The following GARRE1 variants were observed in gnomAD, a reference collection of about 807,000 sequenced individuals.
GARRE1 encodes granule associated Rac and RHOG effector 1.
A neutral mutation model predicts 103.2 loss-of-function variants in GARRE1; 49 were observed. The observed-to-expected ratio is 0.47, with a 90% CI of 0.38 to 0.60. The LOEUF is 0.60. Among genes scored for constraint, GARRE1 ranks in the 20% least tolerant of loss-of-function variants. GARRE1 has a pLI of 0.00. For missense variants in GARRE1, 1,199 were observed against 1,370.5 expected, an observed-to-expected ratio of 0.87 and a Z score of 1.98; for synonymous variants, 505 against 532.8, an observed-to-expected ratio of 0.95 and a Z score of 0.72.
At chr19:34,289,855 A>G (rs1259809745) in intron 1 of GARRE1, among the ~76,000 whole-genome samples, 2 of 152,228 alleles carry the variant, frequency 1.3e-5, no homozygotes, top group African/African-American at 4.8e-5. Context: ...TTCTGAGACT[A>G]CATGTGGTCT....
chr19:34,320,134 G>A lies in GARRE1; in HGVS notation c.705+18G>A, dbSNP rs761173565. On this transcript the variant is annotated intron_variant, in intron 3 of 13. Transcript: ENST00000299505. ...CTGCTGAGGTAACCCTGGCTTTGGG[G>A]AGATTGGTGCCTGTGTTCAAATAGG... The A allele has an allele frequency of 3.7e-6, 6 of 1,607,998 alleles. No individual in the cohort carries two copies. The South Asian group carries it at 4.4e-5, about 12-fold the overall frequency.
intron 2 of GARRE1, among the ~76,000 whole-genome samples, chr19:34,315,710 CAAAA>C (rs35321775): frequency 1.1e-3 from 66 of 62,534 alleles, no homozygotes; most frequent in African/African-American, 4.4e-3. Context: ...GACTCTGTCT[CAAAA>C]AAAAAAAAAA....
intron 7 of GARRE1, among the ~76,000 whole-genome samples, chr19:34,331,909 T>G (rs1384444066): frequency 1.3e-5 from 2 of 151,764 alleles, no homozygotes; most frequent in Admixed American, 6.6e-5. Flanking sequence ...AAGAATCACT[T>G]GAACCCAGGA....
chr19:34,307,604 CACAT>C (rs907323377), intron 2 of GARRE1, among the ~76,000 whole-genome samples: 53 of 143,602 alleles, frequency 3.7e-4, no homozygotes, highest in African/African-American at 1.2e-3. Flanking sequence ...CATACGCACA[CACAT>C]ACATATATAT....
At chr19:34,299,289 A>G (rs576476097) in intron 1 of GARRE1, among the ~76,000 whole-genome samples, 57 of 152,222 alleles carry the variant, frequency 3.7e-4, no homozygotes, top group African/African-American at 1.3e-3. Context: ...CTGATGCCCC[A>G]TAAAGTTTAT....
chr19:34,265,667 G>C (rs952194049), intron 1 of GARRE1: 6 of 152,158 alleles, frequency 3.9e-5, no homozygotes, highest in African/African-American at 1.4e-4. Flanking sequence ...GATTTTGGGG[G>C]TTCGAGGGAG....
intron 2 of GARRE1, among the ~76,000 whole-genome samples, chr19:34,307,792 TA>T (rs148017219): frequency 0.13 from 13,882 of 108,992 alleles, 1,221 homozygotes; most frequent in South Asian, 0.24. Context: ...ATATATACTA[TA>T]AAAAAAAAAT....
intron 3 of GARRE1, among the ~76,000 whole-genome samples, chr19:34,324,283 TA>T (rs2074102093): frequency 6.6e-6 from 1 of 152,222 alleles, no homozygotes; most frequent in African/African-American, 2.4e-5. Context: ...TCATTCATTC[TA>T]AAAAATTACT....
At chr19:34,283,830 C>CTTTTTT (rs11335136) in intron 1 of GARRE1, among the ~76,000 whole-genome samples, 2 of 117,216 alleles carry the variant, frequency 1.7e-5, no homozygotes, top group East Asian at 2.3e-4. Context: ...TTCTTTCTTT[C>CTTTTTT]TTTTTTTTTT....
chr19:34,281,601 G>C (rs924637282), intron 1 of GARRE1, among the ~76,000 whole-genome samples: 1 of 151,944 alleles, frequency 6.6e-6, no homozygotes, highest in Non-Finnish European at 1.5e-5. Flanking sequence ...TTTTGTTTGT[G>C]TGTTATAGAG....
intron 1 of GARRE1, among the ~76,000 whole-genome samples, chr19:34,278,095 C>T (rs940337836): frequency 1.3e-5 from 2 of 151,918 alleles, no homozygotes; most frequent in Non-Finnish European, 2.9e-5. Flanking sequence ...AGTACATTAA[C>T]AATGTTGTGC....
Position 34,327,410 on chromosome 19 carries a change from A to G in GARRE1, c.706-11A>G, listed in dbSNP as rs1341339185. Reference sequence around the variant, plus strand: ...CCCTCTTTTACCTACCAGTTACTATATATGTTACAGGCGACATCTAGACTA... The same window carrying G: ...CCCTCTTTTACCTACCAGTTACTATGTATGTTACAGGCGACATCTAGACTA... On this transcript the variant is annotated splice_polypyrimidine_tract_variant and intron_variant, in intron 3 of 13. Coordinates refer to ENST00000299505, the MANE Select transcript of GARRE1 (RefSeq NM_014686.5). 5.0e-6 allele frequency: 8 copies of G among 1,613,858 alleles called. No individual in the cohort carries two copies. The highest frequency in any genetic ancestry group is 4.2e-6 in the Non-Finnish European group (5 of 1,179,868).
At chr19:34,314,393 C>T (rs1201596649) in intron 2 of GARRE1, among the ~76,000 whole-genome samples, 2 of 152,038 alleles carry the variant, frequency 1.3e-5, no homozygotes, top group Non-Finnish European at 2.9e-5. Flanking sequence ...GTTTAGTAAT[C>T]GTACAATCAA....
chr19:34,265,324 C>A (rs915922635), intron 1 of GARRE1, among the ~76,000 whole-genome samples: 1 of 152,128 alleles, frequency 6.6e-6, no homozygotes, highest in Non-Finnish European at 1.5e-5. Context: ...CAGGAAGAGG[C>A]GGAAGTGGTT....
chr19:34,325,693 G>C (rs1400189394), intron 3 of GARRE1, among the ~76,000 whole-genome samples: 1 of 152,136 alleles, frequency 6.6e-6, no homozygotes, highest in Non-Finnish European at 1.5e-5. Flanking sequence ...CCTTAGGGTA[G>C]CATGTGGACC....
chr19:34,327,379 G>A (rs2074116368), intron 3 of GARRE1, 42 bp from the exon 4 acceptor site: 7 of 1,602,124 alleles, frequency 4.4e-6, no homozygotes, highest in Non-Finnish European at 6.0e-6. Context: ...TGCTAGAACT[G>A]TACCACCCTC....
At chr19:34,285,018 C>G (rs1452406554) in intron 1 of GARRE1, 1 of 152,180 alleles carries the variant, frequency 6.6e-6, no homozygotes, top group African/African-American at 2.4e-5. Context: ...GATCACGCCA[C>G]TGCACTCCAG....
In GARRE1 at chr19:34,300,603, C is replaced by G. The variant is rs774593069; in HGVS notation, c.130C>G (p.Pro44Ala). 1 of 1,613,426 alleles carries G rather than the reference C, an allele frequency of 6.2e-7. No homozygotes were observed. Among genetic ancestry groups the G allele is most frequent in the South Asian group, 1.1e-5 (1 of 91,078 alleles). ...MPELGRALSAPLASTATTAPL... is the reference protein window; with the variant it reads ...MPELGRALSAALASTATTAPL... ...TGAGCTGGGCCGAGCACTGAGTGCT[C>G]CCCTGGCATCCACGGCCACCACTGC... The change falls in exon 2 of 14, where the codon CCC (proline) becomes GCC (alanine). Residue 44 changes from proline (P) to alanine (A), a missense_variant. Transcript: ENST00000299505.
chr19:34,352,848 A>C lies in GARRE1; in HGVS notation c.3106A>C (p.Thr1036Pro). The C allele has an allele frequency of 1.3e-6, 2 of 1,591,622 alleles. No individual in the cohort carries two copies. Among genetic ancestry groups the C allele is most frequent in the South Asian group, 2.2e-5 (2 of 89,594 alleles). Reference protein sequence around the residue: ...CSAAAFSYVQTPPQPPPPPAH... With the variant: ...CSAAAFSYVQPPPQPPPPPAH... ...TGCCGCTGCCTTCTCCTATGTGCAGACCCCACCCCAGCCCCCACCCCCACC... is the reference window on the plus strand; with the variant it reads ...TGCCGCTGCCTTCTCCTATGTGCAGCCCCCACCCCAGCCCCCACCCCCACC... Residue 1036 changes from threonine to proline, a missense_variant, in exon 14 of 14, where the codon ACC becomes CCC. Coordinates refer to ENST00000299505, the MANE Select transcript of GARRE1 (RefSeq NM_014686.5).
Sources: allele counts gnomAD v4.1 joint callset (sites outside exome capture counted in the v4.1 genomes callset), GRCh38; gene constraint gnomAD v4.1.1; transcripts MANE v1.5; gene names NCBI Gene and HGNC (gene_info 2026-07-23, HGNC 2026-07-21).